The following ANKRD44 variants were observed in gnomAD, a reference collection of about 807,000 sequenced individuals.
ANKRD44 encodes serine/threonine-protein phosphatase 6 regulatory ankyrin repeat subunit B.
Under a neutral mutation model 116.0 loss-of-function variants are expected in ANKRD44, and 35 were observed. The observed-to-expected ratio is 0.30, with a 90% CI of 0.23 to 0.40. The LOEUF (loss-of-function observed/expected upper bound fraction) is 0.40, where lower values mean the gene tolerates loss of function less well. Among genes scored for constraint, ANKRD44 ranks in the 10% least tolerant of loss-of-function variants. The pLI is 1.00. For missense variants in ANKRD44, 1,014 were observed against 1,242.6 expected (o/e 0.82, Z 2.77); for synonymous variants, 435 against 461.8 (o/e 0.94, Z 0.74).
chr2:197,068,242 G>A (rs1251750860), intron 16 of ANKRD44, among the ~76,000 whole-genome samples: 10 of 131,650 alleles, frequency 7.6e-5, no homozygotes, highest in Admixed American at 6.9e-4. Flanking sequence ...GGATAGCATT[G>A]GGAGATATAC....
At chr2:197,070,162 T>C (rs1019015427) in intron 16 of ANKRD44, among the ~76,000 whole-genome samples, 1 of 152,176 alleles carries the variant, frequency 6.6e-6, no homozygotes, top group Non-Finnish European at 1.5e-5. Flanking sequence ...GGATTTTCTA[T>C]GTAGACAATG....
At chr2:197,060,645 C>T (rs1054304308) in intron 16 of ANKRD44, among the ~76,000 whole-genome samples, 2 of 152,210 alleles carry the variant, frequency 1.3e-5, no homozygotes, top group African/African-American at 4.8e-5. Flanking sequence ...ATTCATTCTG[C>T]AAACGGAAAC....
chr2:197,010,382 G>A (rs1252001891), intron 18 of ANKRD44, among the ~76,000 whole-genome samples: 1 of 151,970 alleles, frequency 6.6e-6, no homozygotes, highest in Non-Finnish European at 1.5e-5. Flanking sequence ...CTCCCTGGGA[G>A]CCCTTTCCTA....
intron 6 of ANKRD44, among the ~76,000 whole-genome samples, chr2:197,124,522 T>C (rs1445391418): frequency 6.6e-6 from 1 of 152,230 alleles, no homozygotes; most frequent in Non-Finnish European, 1.5e-5. Context: ...TATGCTTTCA[T>C]TTAACATATC....
At position 197,125,987 on chromosome 2, in the gene ANKRD44, G is replaced by C. The variant is rs958440039; in HGVS notation, c.312C>G (p.Asp104Glu). ...CATGAAGAGGGGTCTGCCAGTTCTT[G>C]TCCCTTGCATTGACATCAGCTGAGT... ...IKHSADVNAR[D>E]KNWQTPLHVA... The change falls in exon 5 of 28, where the codon GAC becomes GAG. Residue 104 changes from aspartate to glutamate, a missense_variant. Asp to Glu is a conservative substitution (Grantham distance 45). Coordinates refer to ENST00000282272, the MANE Select transcript of ANKRD44 (RefSeq NM_001195144.2). The C allele has an allele frequency of 2.5e-6, 4 of 1,614,134 alleles. No homozygotes were observed. In the African/African-American group the frequency reaches 4.0e-5, roughly 16 times the overall value.
rs563254668 is a variant in ANKRD44, at chr2:196,968,846, G to T, written c.2369-1400C>A. ...TCTTTCCATTTTGAGCTTTCACGCA[G>T]GCCCCCCTGTCTATATTCAACCTGT... On this transcript the variant is annotated intron_variant, in intron 21 of 21. Transcript: ENST00000424317. 7.2e-5 allele frequency among the ~76,000 whole-genome samples: 11 copies of T among 152,230 alleles called. No homozygotes were observed. In the South Asian group the frequency reaches 2.3e-3, roughly 32 times the overall value.
intron 1 of ANKRD44, among the ~76,000 whole-genome samples, chr2:197,236,154 T>G (rs1002364510): frequency 2.0e-5 from 3 of 152,180 alleles, no homozygotes; most frequent in African/African-American, 4.8e-5. Context: ...GCAAACAGGC[T>G]GCAAGGGACT....
chr2:197,210,628 AT>A (rs2125694084), intron 1 of ANKRD44, among the ~76,000 whole-genome samples: 2 of 152,344 alleles, frequency 1.3e-5, no homozygotes, highest in Admixed American at 1.3e-4. Context: ...AATTGTCCTC[AT>A]GCAAGGCAGG....
intron 10 of ANKRD44, among the ~76,000 whole-genome samples, chr2:197,096,105 G>A (rs1256992934): frequency 6.6e-6 from 1 of 152,126 alleles, no homozygotes; most frequent in Non-Finnish European, 1.5e-5. Flanking sequence ...TGTGAGACTG[G>A]GTTCCACATC....
chr2:197,020,739 C>T (rs990359795), intron 17 of ANKRD44, among the ~76,000 whole-genome samples: 1 of 152,022 alleles, frequency 6.6e-6, no homozygotes, highest in African/African-American at 2.4e-5. Context: ...TTTTAAGCAA[C>T]ACCTTTAAAA....
intron 2 of ANKRD44, among the ~76,000 whole-genome samples, chr2:197,151,255 G>GA (rs985780842): frequency 1.3e-5 from 2 of 152,084 alleles, no homozygotes; most frequent in African/African-American, 4.8e-5. Flanking sequence ...AATCTCCATT[G>GA]AAAATGAACT....
rs185266551 is a variant in ANKRD44 at position 197,105,393 on chromosome 2, G to A, written c.985+5373C>T. Among the ~76,000 whole-genome samples the A allele has an allele frequency of 3.0e-3, 456 of 152,288 alleles. 1 individual carries two copies. Among genetic ancestry groups the A allele is most frequent in the Non-Finnish European group, 5.2e-3 (356 of 68,022 alleles). On this transcript the variant is annotated intron_variant, in intron 9 of 27. Transcript: ENST00000282272. ...CTCCCAAAGTGCTGGGATTACAAGC[G>A]TGAGCCACTGTATCTGGCTTTATTT...
chr2:197,265,756 G>T (rs1174618933), intron 1 of ANKRD44, among the ~76,000 whole-genome samples: 2 of 151,942 alleles, frequency 1.3e-5, no homozygotes, highest in Non-Finnish European at 2.9e-5. Context: ...AAACCAATGG[G>T]TATCACTTTC....
intron 9 of ANKRD44, among the ~76,000 whole-genome samples, chr2:197,107,435 T>C (rs751339173): frequency 4.6e-5 from 7 of 152,168 alleles, no homozygotes; most frequent in Admixed American, 1.3e-4. Context: ...CCTCTATTGC[T>C]GTGACAACAC....
intron 10 of ANKRD44, among the ~76,000 whole-genome samples, chr2:197,093,543 G>C (rs1389416922): frequency 1.3e-5 from 2 of 152,042 alleles, no homozygotes; most frequent in East Asian, 3.8e-4. Context: ...CTTCAGTGCA[G>C]GATTTGAAAA....
intron 10 of ANKRD44, among the ~76,000 whole-genome samples, chr2:197,098,192 C>T (rs1179453011): frequency 6.6e-6 from 1 of 152,194 alleles, no homozygotes; most frequent in Non-Finnish European, 1.5e-5. Flanking sequence ...ACAAATTTCA[C>T]AATACTCAGT....
intron 16 of ANKRD44, chr2:197,029,499 C>G (rs771841794): frequency 2.1e-6 from 1 of 466,806 alleles, no homozygotes; most frequent in South Asian, 1.5e-5. Context: ...ATGCCTAGTG[C>G]CATATAATTC....
At chr2:197,187,599 G>C (rs1479134851) in intron 1 of ANKRD44, among the ~76,000 whole-genome samples, 1 of 151,364 alleles carries the variant, frequency 6.6e-6, no homozygotes, top group Non-Finnish European at 1.5e-5. Context: ...AATAGGACCG[G>C]TGTCTTCATA....
intron 2 of ANKRD44, among the ~76,000 whole-genome samples, chr2:197,151,507 C>T (rs893762168): frequency 6.6e-6 from 1 of 152,122 alleles, no homozygotes; most frequent in Non-Finnish European, 1.5e-5. Flanking sequence ...AGTACCAAAA[C>T]ATGATGCTAG....
Sources: gnomAD v4.1 joint callset for allele counts (sites outside exome capture counted in the v4.1 genomes callset) on GRCh38, gnomAD v4.1.1 for gene constraint, MANE v1.5 for transcripts, NCBI Gene and HGNC (gene_info 2026-07-23, HGNC 2026-07-21) for gene names.